SYNDIG1: variants seen among roughly 807,000 people sequenced by gnomAD.
SYNDIG1 encodes the protein synapse differentiation-inducing gene protein 1.
SYNDIG1 carries 9 observed loss-of-function variants against 19.4 expected under a neutral mutation model. The observed-to-expected ratio is 0.46, with a 90% confidence interval of 0.28 to 0.81. The LOEUF (loss-of-function observed/expected upper bound fraction) is 0.81. SYNDIG1 is among the 30% of genes least tolerant of loss of function. The pLI is 0.12. For synonymous variants in SYNDIG1, 141 were observed against 145.9 expected (o/e 0.97, Z 0.24); for missense variants, 311 against 343.3 (o/e 0.91, Z 0.74).
intron 3 of SYNDIG1, among the ~76,000 whole-genome samples, chr20:24,639,243 C>T (rs1318767750): frequency 6.6e-6 from 1 of 152,132 alleles, no homozygotes; most frequent in Non-Finnish European, 1.5e-5. Flanking sequence ...AGATGGCGAA[C>T]AAGGAAAGCA....
chr20:24,637,248 C>T (rs183583373), intron 3 of SYNDIG1, among the ~76,000 whole-genome samples: 9 of 152,316 alleles, frequency 5.9e-5, no homozygotes, highest in Admixed American at 4.6e-4. Context: ...GAGTGAACAG[C>T]GAGCAAGAAA....
At chr20:24,626,022 G>A (rs1452712396) in intron 3 of SYNDIG1, among the ~76,000 whole-genome samples, 1 of 150,314 alleles carries the variant, frequency 6.7e-6, no homozygotes, top group Non-Finnish European at 1.5e-5. Flanking sequence ...CCCGGACGGG[G>A]TGGCTGGCCA....
chr20:24,602,457 A>G (rs2058693299), intron 3 of SYNDIG1, among the ~76,000 whole-genome samples: 1 of 152,154 alleles, frequency 6.6e-6, no homozygotes, highest in African/African-American at 2.4e-5. Flanking sequence ...CTTTTCTCTC[A>G]TGGCTTAGCT....
At chr20:24,641,244 T>A (rs1329295562) in intron 3 of SYNDIG1, among the ~76,000 whole-genome samples, 1 of 152,210 alleles carries the variant, frequency 6.6e-6, no homozygotes, top group African/African-American at 2.4e-5. Flanking sequence ...GAGAACTTAC[T>A]ATGAAATACA....
chr20:24,579,587 C>T (rs1040261208), intron 2 of SYNDIG1, among the ~76,000 whole-genome samples: 2 of 152,212 alleles, frequency 1.3e-5, no homozygotes, highest in African/African-American at 2.4e-5. Flanking sequence ...TGCTGTCCCA[C>T]GTGACAGGCA....
chr20:24,521,804 G>T (rs936484163), intron 1 of SYNDIG1, among the ~76,000 whole-genome samples: 1 of 151,224 alleles, frequency 6.6e-6, no homozygotes. Flanking sequence ...GGAGGCTGAC[G>T]CAGGAGAATC....
chr20:24,635,614 G>A (rs774640909), intron 3 of SYNDIG1, among the ~76,000 whole-genome samples: 12 of 152,298 alleles, frequency 7.9e-5, no homozygotes, highest in Non-Finnish European at 1.5e-4. Flanking sequence ...TGAGGAGGCC[G>A]ACTAAAGGAG....
intron 3 of SYNDIG1, among the ~76,000 whole-genome samples, chr20:24,592,320 C>T (rs2058525791): frequency 6.6e-6 from 1 of 152,182 alleles, no homozygotes. Flanking sequence ...GAATTAAGTG[C>T]TTCCCTTCTC....
intron 3 of SYNDIG1, among the ~76,000 whole-genome samples, chr20:24,616,134 T>C (rs2058929138): frequency 6.6e-6 from 1 of 152,236 alleles, no homozygotes; most frequent in Non-Finnish European, 1.5e-5. Flanking sequence ...TATTATTTAG[T>C]GTCTTAAAGT....
intron 1 of SYNDIG1, among the ~76,000 whole-genome samples, chr20:24,536,774 G>A (rs1334723012): frequency 6.6e-6 from 1 of 152,114 alleles, no homozygotes; most frequent in Non-Finnish European, 1.5e-5. Flanking sequence ...TGCTGAATGT[G>A]GAATCCTCCA....
intron 3 of SYNDIG1, among the ~76,000 whole-genome samples, chr20:24,628,773 G>A (rs749524027): frequency 6.6e-6 from 1 of 152,046 alleles, no homozygotes; most frequent in Admixed American, 6.5e-5. Flanking sequence ...CAAATGCATC[G>A]CGCTAGGGCT....
chr20:24,662,427 C>T (rs1235845631), intron 3 of SYNDIG1, among the ~76,000 whole-genome samples: 1 of 152,020 alleles, frequency 6.6e-6, no homozygotes, highest in Non-Finnish European at 1.5e-5. Flanking sequence ...TGCAGGAGCT[C>T]AGTGCCTGGT....
intron 3 of SYNDIG1, among the ~76,000 whole-genome samples, chr20:24,628,696 G>T (rs2147279501): frequency 6.6e-6 from 1 of 152,316 alleles, no homozygotes; most frequent in East Asian, 1.9e-4. Flanking sequence ...GGGGAGGGGA[G>T]TCTGGCTGCA....
chr20:24,580,383 T>C (rs2058301684), intron 2 of SYNDIG1, among the ~76,000 whole-genome samples: 2 of 152,046 alleles, frequency 1.3e-5, no homozygotes, highest in Non-Finnish European at 2.9e-5. Flanking sequence ...TTGTCTGCCC[T>C]GTAATTTGTC....
intron 2 of SYNDIG1, among the ~76,000 whole-genome samples, chr20:24,578,452 A>AAAG (rs911343494): frequency 6.7e-6 from 1 of 149,794 alleles, no homozygotes; most frequent in Non-Finnish European, 1.5e-5. Flanking sequence ...AAAAAAAAAA[A>AAAG]AAAGAAAGAA....
intron 2 of SYNDIG1, among the ~76,000 whole-genome samples, chr20:24,575,519 C>T (rs6114779): frequency 6.6e-6 from 1 of 152,200 alleles, no homozygotes; most frequent in African/African-American, 2.4e-5. Context: ...TGGTGTGCAC[C>T]TCATTTACAG....
At chr20:24,572,659 CT>C (rs1361565141) in intron 2 of SYNDIG1, among the ~76,000 whole-genome samples, 2 of 152,164 alleles carry the variant, frequency 1.3e-5, no homozygotes, top group Non-Finnish European at 2.9e-5. Context: ...GGCCACTGGC[CT>C]CTTAAAGGAA....
intron 3 of SYNDIG1, among the ~76,000 whole-genome samples, chr20:24,646,896 C>T (rs1264795212): frequency 6.6e-6 from 1 of 152,200 alleles, no homozygotes; most frequent in Non-Finnish European, 1.5e-5. Flanking sequence ...GCTGAGATTA[C>T]AGGCATGAGC....
intron 1 of SYNDIG1, among the ~76,000 whole-genome samples, chr20:24,521,575 G>GT (rs397716261): frequency 3.6e-3 from 1 of 278 alleles, no homozygotes. Flanking sequence ...TGGTTATTCT[G>GT]CTAGTATAAT....
Sources: allele counts gnomAD v4.1 joint callset (sites outside exome capture counted in the v4.1 genomes callset), GRCh38; gene constraint gnomAD v4.1.1; transcripts MANE v1.5; gene names NCBI Gene and HGNC (gene_info 2026-07-23, HGNC 2026-07-21).